The following FRYL variants were observed in gnomAD, a reference collection of about 807,000 sequenced individuals.
FRYL encodes the protein FRY like transcription coactivator.
A neutral mutation model predicts 351.2 loss-of-function variants in FRYL; 150 were observed. The observed-to-expected ratio is 0.43, with a 90% CI of 0.37 to 0.49. The LOEUF is 0.49. Ranked by LOEUF, FRYL falls within the 20% of genes least tolerant of loss-of-function variation. The pLI, the probability that FRYL is intolerant of heterozygous loss-of-function variation, is 0.00. For missense variants in FRYL, 3,036 were observed against 3,619.3 expected (o/e 0.84, Z 4.13); for synonymous variants, 1,153 against 1,257.1 (o/e 0.92, Z 1.75).
At chr4:48,716,369 C>A (rs1484903067) in intron 1 of FRYL, among the ~76,000 whole-genome samples, 5 of 151,616 alleles carry the variant, frequency 3.3e-5, no homozygotes, top group African/African-American at 1.2e-4. Context: ...TTTTCGCAAC[C>A]TACTCATCTG....
intron 5 of FRYL, among the ~76,000 whole-genome samples, chr4:48,621,250 T>C (rs1197697228): frequency 6.6e-6 from 1 of 152,250 alleles, no homozygotes; most frequent in Non-Finnish European, 1.5e-5. Flanking sequence ...TTTACTATGC[T>C]ATGACAAAGA....
chr4:48,506,853 GTC>G (rs1721174781), intron 59 of FRYL, among the ~76,000 whole-genome samples: 1 of 151,444 alleles, frequency 6.6e-6, no homozygotes, highest in South Asian at 2.1e-4. Context: ...TTTTATTCCA[GTC>G]TCTCAGATTT....
intron 1 of FRYL, among the ~76,000 whole-genome samples, chr4:48,762,897 T>C (rs189634292): frequency 7.2e-5 from 11 of 152,156 alleles, no homozygotes; most frequent in Non-Finnish European, 1.3e-4. Flanking sequence ...TATATCAAAA[T>C]AATGATGACT....
rs1356457068 is a variant in FRYL at position 48,612,359 on chromosome 4, C to G, written c.412-2536G>C. Among the ~76,000 whole-genome samples, 3 of 152,098 alleles carry G rather than the reference C, an allele frequency of 2.0e-5. No homozygotes were observed. The East Asian group carries it at 5.8e-4, about 29-fold the overall frequency. ...CTCTTGTCAGTTCAGTTTGTAGAGC[C>G]CCAGGCGCTAAATCCAAGAAGGCAG... On this transcript the variant is annotated intron_variant, in intron 7 of 63. Coordinates refer to ENST00000358350, the MANE Select transcript of FRYL (RefSeq NM_015030.2).
At chr4:48,696,737 G>A (rs1303002967) in intron 2 of FRYL, among the ~76,000 whole-genome samples, 11 of 150,986 alleles carry the variant, frequency 7.3e-5, no homozygotes, top group Non-Finnish European at 1.5e-5. Flanking sequence ...CTAACTTTTA[G>A]TTTCAATGGT....
intron 32 of FRYL, 96 bp from the exon 33 acceptor site, chr4:48,561,732 C>T: frequency 1.1e-6 from 1 of 950,968 alleles, no homozygotes; most frequent in South Asian, 2.0e-5. Flanking sequence ...CTCTTCTCCC[C>T]AGCTGAGTGG....
chr4:48,687,208 A>C (rs1765222211), intron 2 of FRYL, among the ~76,000 whole-genome samples: 1 of 152,182 alleles, frequency 6.6e-6, no homozygotes, highest in South Asian at 2.1e-4. Flanking sequence ...TATTATTTTG[A>C]GACAGTGAAG....
rs983587289 is a variant in FRYL, at chr4:48,716,843, T to C, written c.-383-6145A>G. ...CACATGTATGTTTATTGTGGCACTA[T>C]TCACAATAGCAAAGACTTGGAACCA... On this transcript the variant is annotated intron_variant, in intron 1 of 63. Coordinates refer to ENST00000358350, the MANE Select transcript of FRYL (RefSeq NM_015030.2). 2.0e-5 allele frequency among the ~76,000 whole-genome samples: 3 copies of C among 151,140 alleles called. No homozygotes were observed. In the Admixed American group the frequency reaches 2.0e-4, roughly 10 times the overall value.
intron 2 of FRYL, among the ~76,000 whole-genome samples, chr4:48,687,264 C>A (rs902567065): frequency 6.6e-6 from 1 of 151,998 alleles, no homozygotes; most frequent in Non-Finnish European, 1.5e-5. Context: ...ATACAAATAA[C>A]CATTGCTGTT....
chr4:48,535,911 T>A (rs1383482162), intron 47 of FRYL, 84 bp from the exon 48 acceptor site: 2 of 1,079,530 alleles, frequency 1.9e-6, no homozygotes, highest in East Asian at 5.8e-5. Context: ...ATTCGCTTAA[T>A]GAAATAATTT....
chr4:48,735,157 GA>G (rs1372923130), intron 1 of FRYL, among the ~76,000 whole-genome samples: 2 of 90,630 alleles, frequency 2.2e-5, no homozygotes, highest in East Asian at 3.1e-4. Flanking sequence ...AAAAGTGGGC[GA>G]AGGACATGAA....
chr4:48,680,884 T>C, intron 3 of FRYL: 1 of 770,400 alleles, frequency 1.3e-6, no homozygotes, highest in Non-Finnish European at 1.7e-6. Context: ...TTTACTTTCC[T>C]AAAATACTTT....
intron 35 of FRYL, among the ~76,000 whole-genome samples, chr4:48,555,796 T>C (rs1427324337): frequency 3.3e-5 from 5 of 152,272 alleles, no homozygotes; most frequent in Non-Finnish European, 4.4e-5. Flanking sequence ...TTGGCAATGA[T>C]GCTTTCAGTG....
chr4:48,713,154 G>A (rs1382135468), intron 1 of FRYL, among the ~76,000 whole-genome samples: 1 of 151,676 alleles, frequency 6.6e-6, no homozygotes, highest in Non-Finnish European at 1.5e-5. Context: ...ATCGAGACTA[G>A]GAAGAAACTG....
chr4:48,577,239 C>T (rs1739819860), intron 23 of FRYL, among the ~76,000 whole-genome samples: 1 of 152,248 alleles, frequency 6.6e-6, no homozygotes, highest in African/African-American at 2.4e-5. Flanking sequence ...TGAAAGATTA[C>T]ATCAATAAAA....
chr4:48,683,747 A>G (rs529239712), intron 3 of FRYL, among the ~76,000 whole-genome samples: 1 of 152,342 alleles, frequency 6.6e-6, no homozygotes, highest in Non-Finnish European at 1.5e-5. Flanking sequence ...TTAATCTTCA[A>G]GCATAAAAGT....
intron 59 of FRYL, among the ~76,000 whole-genome samples, chr4:48,507,012 G>A (rs985074998): frequency 5.3e-5 from 8 of 151,986 alleles, no homozygotes; most frequent in African/African-American, 1.9e-4. Flanking sequence ...ATCTAACATG[G>A]AACCTGTGCA....
In FRYL at chr4:48,526,654, C is replaced by T. The variant is rs113348042; in HGVS notation, c.7317+823G>A. 4.5e-3 allele frequency among the ~76,000 whole-genome samples: 683 copies of T among 152,192 alleles called. 4 individuals carry two copies. The highest frequency in any genetic ancestry group is 0.015 in the African/African-American group (632 of 41,528). ...AGCTGACTGGCAGAGAAGGGGAGAGCCTAGAGAACTGCAGATAAACAGCCA... is the reference window on the plus strand; with the variant it reads ...AGCTGACTGGCAGAGAAGGGGAGAGTCTAGAGAACTGCAGATAAACAGCCA... On this transcript the variant is annotated intron_variant, in intron 53 of 63. Transcript: ENST00000358350.
chr4:48,528,821 A>T (rs1211337390), intron 50 of FRYL, among the ~76,000 whole-genome samples: 1 of 152,198 alleles, frequency 6.6e-6, no homozygotes, highest in African/African-American at 2.4e-5. Flanking sequence ...GAACACTTCT[A>T]TGTAGATTCT....
Sources: gnomAD v4.1 joint callset for allele counts (sites outside exome capture counted in the v4.1 genomes callset) on GRCh38, gnomAD v4.1.1 for gene constraint, MANE v1.5 for transcripts, NCBI Gene and HGNC (gene_info 2026-07-23, HGNC 2026-07-21) for gene names.